SLC14A2: variants seen among roughly 807,000 people sequenced by gnomAD.
The protein encoded by SLC14A2 is urea transporter 2.
Under a neutral mutation model 104.6 loss-of-function variants are expected in SLC14A2, and 91 were observed. The observed-to-expected ratio is 0.87, with a 90% CI of 0.73 to 1.04. The LOEUF (loss-of-function observed/expected upper bound fraction) is 1.04. Ranked by LOEUF, SLC14A2 falls within the 50% of genes least tolerant of loss-of-function variation. The probability of loss-of-function intolerance (pLI) is 0.00; values close to 1 mark genes in which losing one functional copy is unlikely to be tolerated. For missense variants in SLC14A2, 1,189 were observed against 1,156.0 expected, an observed-to-expected ratio of 1.03 and a Z score of -0.41; for synonymous variants, 476 against 466.4, an observed-to-expected ratio of 1.02 and a Z score of -0.27.
At position 45,637,900 on chromosome 18, in the gene SLC14A2, C is replaced by A. The variant is rs115263692; in HGVS notation, c.843+718C>A. Among the ~76,000 whole-genome samples the A allele has an allele frequency of 5.5e-3, 832 of 152,344 alleles. 9 individuals are homozygous for A. The highest frequency in any genetic ancestry group is 0.019 in the African/African-American group (791 of 41,586). On this transcript the variant is annotated intron_variant, in intron 6 of 19. Transcript: ENST00000255226. ...CCATGGCACACCTGACTGCCCTTCA[C>A]ACCAGGGTGTCAGCTGCGGCCTGGG... is the stretch of plus-strand genomic sequence containing the variant.
the SLC14A2 span, among the ~76,000 whole-genome samples, chr18:45,198,311 CATAG>C: frequency 2.0e-5 from 3 of 152,060 alleles, no homozygotes; most frequent in Admixed American, 6.6e-5. Context: ...ATCATGAACA[CATAG>C]ATAAAGTTTA....
At chr18:45,642,803 G>A (rs951397915) in intron 8 of SLC14A2, among the ~76,000 whole-genome samples, 6 of 152,214 alleles carry the variant, frequency 3.9e-5, no homozygotes, top group African/African-American at 1.2e-4. Context: ...CTAGCTCTTC[G>A]CTACCATCAG....
chr18:45,376,745 G>T (rs1598734860), intron 1 of SLC14A2, among the ~76,000 whole-genome samples: 2 of 152,292 alleles, frequency 1.3e-5, no homozygotes. Context: ...ATGCTTTGAA[G>T]CTAGGCTTGT....
intron 2 of SLC14A2, among the ~76,000 whole-genome samples, chr18:45,517,703 C>T (rs1448478743): frequency 1.3e-5 from 2 of 152,192 alleles, no homozygotes; most frequent in Admixed American, 1.3e-4. Context: ...CGAGGAACTC[C>T]CTACCCTGAC....
chr18:45,653,204 C>A (rs1021927048), intron 10 of SLC14A2, among the ~76,000 whole-genome samples: 1 of 149,764 alleles, frequency 6.7e-6, no homozygotes, highest in Non-Finnish European at 1.5e-5. Context: ...TGCAGGCGAC[C>A]GACCTCCCCT....
At chr18:45,562,041 T>G (rs1331219247) in intron 2 of SLC14A2, among the ~76,000 whole-genome samples, 3 of 152,356 alleles carry the variant, frequency 2.0e-5, no homozygotes, top group Non-Finnish European at 4.4e-5. Context: ...TTCCTGTGCC[T>G]ATTTCCTGAG....
chr18:45,552,676 G>A (rs2044072970), intron 2 of SLC14A2, among the ~76,000 whole-genome samples: 1 of 152,220 alleles, frequency 6.6e-6, no homozygotes, highest in African/African-American at 2.4e-5. Flanking sequence ...TAGACAAAGA[G>A]GAGCAGAGAC....
chr18:45,275,718 A>G (rs2084695263), intron 1 of SLC14A2, among the ~76,000 whole-genome samples: 1 of 152,206 alleles, frequency 6.6e-6, no homozygotes, highest in Non-Finnish European at 1.5e-5. Context: ...CACTAGGTGG[A>G]AGTAGTCTCA....
At chr18:45,327,591 A>T (rs866770324) in intron 1 of SLC14A2, among the ~76,000 whole-genome samples, 1 of 152,290 alleles carries the variant, frequency 6.6e-6, no homozygotes, top group African/African-American at 2.4e-5. Flanking sequence ...GTCTCTATGA[A>T]TTTGACTACT....
rs1357817816 is a variant in SLC14A2 at position 45,669,322 on chromosome 18, G to A, written c.2053G>A (p.Ala685Thr). 2 of 1,613,000 alleles carry A rather than the reference G, an allele frequency of 1.2e-6. No homozygotes were observed. Among genetic ancestry groups the A allele is most frequent in the African/African-American group, 1.3e-5 (1 of 74,914 alleles). ...TGCCATCAGCCCCATCCTCTCCAGTGCCCTGGGTACCATCTTCAGCAAGTG... is the reference window on the plus strand; with the variant it reads ...TGCCATCAGCCCCATCCTCTCCAGTACCCTGGGTACCATCTTCAGCAAGTG... ...MSMSCPILSS[A>T]LGTIFSKWDL... The change falls in exon 16 of 20, where the codon GCC (alanine) becomes ACC (threonine). Residue 685 changes from alanine (A) to threonine (T), a missense_variant. Coordinates refer to ENST00000255226, the MANE Select transcript of SLC14A2 (RefSeq NM_007163.4).
At chr18:45,667,632 G>A (rs2046049622) in intron 13 of SLC14A2, among the ~76,000 whole-genome samples, 2 of 152,330 alleles carry the variant, frequency 1.3e-5, no homozygotes, top group South Asian at 4.1e-4. Context: ...CATCTGGCTG[G>A]TGATGGGTCT....
At chr18:45,262,844 C>G (rs2084553819) in intron 1 of SLC14A2, among the ~76,000 whole-genome samples, 1 of 152,112 alleles carries the variant, frequency 6.6e-6, no homozygotes, top group Non-Finnish European at 1.5e-5. Context: ...GTGACAGACC[C>G]CTGAGACCTT....
chr18:45,663,453 G>C (rs2045963497), intron 10 of SLC14A2, among the ~76,000 whole-genome samples: 2 of 152,224 alleles, frequency 1.3e-5, no homozygotes, highest in Non-Finnish European at 2.9e-5. Context: ...TGAAGTCCAA[G>C]ACGCTGGCTG....
At chr18:45,463,626 T>C (rs1364498607) in intron 1 of SLC14A2, among the ~76,000 whole-genome samples, 1 of 152,220 alleles carries the variant, frequency 6.6e-6, no homozygotes, top group Non-Finnish European at 1.5e-5. Flanking sequence ...TTTGTGTGTG[T>C]GCATGCTTCC....
chr18:45,241,142 G>A (rs767858896), intron 1 of SLC14A2, among the ~76,000 whole-genome samples: 1 of 152,178 alleles, frequency 6.6e-6, no homozygotes, highest in Non-Finnish European at 1.5e-5. Context: ...CAACTCCCCT[G>A]GCATGGCTGC....
intron 10 of SLC14A2, among the ~76,000 whole-genome samples, chr18:45,652,762 G>A (rs2144591666): frequency 6.6e-6 from 1 of 152,274 alleles, no homozygotes; most frequent in East Asian, 1.9e-4. Context: ...TCTAGCTCTA[G>A]TCAAGGGGAC....
chr18:45,478,111 G>T (rs2087419577), intron 1 of SLC14A2, among the ~76,000 whole-genome samples: 1 of 152,230 alleles, frequency 6.6e-6, no homozygotes, highest in Admixed American at 6.5e-5. Flanking sequence ...GGCCCCGGTG[G>T]TGTAGGCACC....
intron 2 of SLC14A2, among the ~76,000 whole-genome samples, chr18:45,531,890 A>C (rs1382568222): frequency 6.6e-6 from 1 of 152,170 alleles, no homozygotes; most frequent in Non-Finnish European, 1.5e-5. Context: ...AGGTGTAAGG[A>C]AGGGATCCAG....
At chr18:45,185,108 C>T in the SLC14A2 span, among the ~76,000 whole-genome samples, 1 of 152,154 alleles carries the variant, frequency 6.6e-6, no homozygotes, top group African/African-American at 2.4e-5. Context: ...CTGCTTTGAA[C>T]CAGGCAACAT....
Sources: allele counts gnomAD v4.1 joint callset (sites outside exome capture counted in the v4.1 genomes callset), GRCh38; gene constraint gnomAD v4.1.1; transcripts MANE v1.5; gene names NCBI Gene and HGNC (gene_info 2026-07-23, HGNC 2026-07-21).